Variants in UNC5D observed in about 807,000 individuals in gnomAD.
UNC5D encodes unc-5 netrin receptor D, also known as netrin receptor UNC5D.
A neutral mutation model predicts 105.4 loss-of-function variants in UNC5D; 39 were observed. The ratio of observed to expected loss-of-function variants is 0.37; its 90% CI spans 0.29 to 0.48. UNC5D has a LOEUF of 0.48. UNC5D is among the 20% of genes least tolerant of loss of function. UNC5D has a pLI of 0.98. For missense variants in UNC5D, 991 were observed against 1,202.4 expected (o/e 0.82, Z 2.60); for synonymous variants, 452 against 450.4 (o/e 1.00, Z -0.04).
chr8:35,338,404 T>G (rs889822207), intron 1 of UNC5D, among the ~76,000 whole-genome samples: 28 of 151,640 alleles, frequency 1.8e-4, no homozygotes, highest in African/African-American at 6.5e-4. Flanking sequence ...TTTTCTGGGG[T>G]GTGTGTGTGT....
chr8:35,750,699 G>A lies in UNC5D; in HGVS notation c.2053G>A (p.Asp685Asn), dbSNP rs1329904481. The A allele has an allele frequency of 6.2e-7, 1 of 1,614,154 alleles. No individual in the cohort carries two copies. The highest frequency in any genetic ancestry group is 1.1e-5 in the South Asian group (1 of 91,084). ...TYALTGEPIT[D>N]CAVKQLKVAV... Reference sequence around the variant, plus strand: ...TGCGCTCACTGGAGAGCCAATCACAGACTGTGCCGTGAAGCAACTGAAGGT... The same window carrying A: ...TGCGCTCACTGGAGAGCCAATCACAAACTGTGCCGTGAAGCAACTGAAGGT... Residue 685 changes from aspartate to asparagine, a missense_variant, in exon 13 of 17, where the codon GAC (aspartate) becomes AAC (asparagine). Asp to Asn is a conservative substitution (Grantham distance 23). Around this residue, in one of 3 missense-constraint regions of UNC5D, gnomAD observed 944 missense variants for 1,131.6 expected, o/e 0.83. Transcript: ENST00000404895.
intron 3 of UNC5D, among the ~76,000 whole-genome samples, chr8:35,589,298 C>A (rs892884236): frequency 8.6e-5 from 13 of 151,488 alleles, no homozygotes; most frequent in Non-Finnish European, 1.9e-4. Flanking sequence ...ATGAATGCAC[C>A]AAAAAATTAA....
chr8:35,451,729 C>T (rs1001524951), intron 1 of UNC5D, among the ~76,000 whole-genome samples: 3 of 152,124 alleles, frequency 2.0e-5, no homozygotes, highest in African/African-American at 4.8e-5. Flanking sequence ...GCATACAGGG[C>T]GTTTTTAGTT....
At chr8:35,519,271 G>A (rs1813302453) in intron 1 of UNC5D, among the ~76,000 whole-genome samples, 1 of 151,902 alleles carries the variant, frequency 6.6e-6, no homozygotes, top group African/African-American at 2.4e-5. Flanking sequence ...TTCTTGTATG[G>A]GGCTGACATG....
intron 1 of UNC5D, among the ~76,000 whole-genome samples, chr8:35,533,285 G>C (rs960319798): frequency 1.8e-4 from 27 of 152,272 alleles, no homozygotes; most frequent in African/African-American, 6.5e-4. Flanking sequence ...CTCAGCTGCA[G>C]GTCTGTTGGA....
chr8:35,276,431 A>T (rs1282440673), intron 1 of UNC5D, among the ~76,000 whole-genome samples: 1 of 152,184 alleles, frequency 6.6e-6, no homozygotes, highest in Non-Finnish European at 1.5e-5. Flanking sequence ...GTCCCATGTG[A>T]TCGGTGCCAG....
chr8:35,603,294 T>G (rs1820025639), intron 4 of UNC5D, among the ~76,000 whole-genome samples: 1 of 152,214 alleles, frequency 6.6e-6, no homozygotes, highest in Non-Finnish European at 1.5e-5. Context: ...CTTCATTTCA[T>G]TATGTACCCA....
intron 1 of UNC5D, among the ~76,000 whole-genome samples, chr8:35,273,299 C>A (rs1805549470): frequency 6.6e-6 from 1 of 152,184 alleles, no homozygotes; most frequent in Non-Finnish European, 1.5e-5. Context: ...TTTGGTAATG[C>A]ATGTATCTTA....
At chr8:35,418,497 G>A (rs1302651295) in intron 1 of UNC5D, among the ~76,000 whole-genome samples, 3 of 152,106 alleles carry the variant, frequency 2.0e-5, no homozygotes, top group Non-Finnish European at 2.9e-5. Flanking sequence ...GTGTAATATA[G>A]ACCCCTGTTG....
At chr8:35,359,173 A>G (rs181245152) in intron 1 of UNC5D, among the ~76,000 whole-genome samples, 75 of 152,358 alleles carry the variant, frequency 4.9e-4, no homozygotes, top group Non-Finnish European at 8.7e-4. Flanking sequence ...AAAACAGATT[A>G]TAAGACTCTT....
intron 1 of UNC5D, among the ~76,000 whole-genome samples, chr8:35,304,843 A>C (rs916417299): frequency 1.3e-5 from 2 of 152,110 alleles, no homozygotes; most frequent in Non-Finnish European, 1.5e-5. Flanking sequence ...TGCTCTCCCA[A>C]ATAGTTACAG....
In UNC5D at chr8:35,471,964, T is replaced by TAG. The variant is rs1467568988; in HGVS notation, c.104-77328_104-77327insAG. ...AATAAGCAGATATCTCAGTGTTTTC[T>TAG]TTGTGAATCAGTACTAGACAGGTAA... On this transcript the variant is annotated intron_variant, in intron 1 of 16. Coordinates refer to ENST00000404895, the MANE Select transcript of UNC5D (RefSeq NM_080872.4). Among the ~76,000 whole-genome samples the TAG allele has an allele frequency of 3.5e-3, 538 of 152,360 alleles. 4 individuals carry two copies. Among genetic ancestry groups the TAG allele is most frequent in the African/African-American group, 0.012 (513 of 41,580 alleles).
At chr8:35,346,631 T>C (rs1811823108) in intron 1 of UNC5D, among the ~76,000 whole-genome samples, 1 of 152,046 alleles carries the variant, frequency 6.6e-6, no homozygotes, top group South Asian at 2.1e-4. Context: ...CATCTCCATA[T>C]AACCAAAATT....
chr8:35,294,088 C>T (rs1163457642), intron 1 of UNC5D, among the ~76,000 whole-genome samples: 2 of 152,152 alleles, frequency 1.3e-5, no homozygotes, highest in Non-Finnish European at 2.9e-5. Context: ...TTGTCCAGGC[C>T]TTCTTGTTAT....
intron 1 of UNC5D, among the ~76,000 whole-genome samples, chr8:35,332,422 A>C (rs541168509): frequency 6.6e-6 from 1 of 152,250 alleles, no homozygotes; most frequent in Non-Finnish European, 1.5e-5. Context: ...AACAAGAAGC[A>C]AATATCTTTT....
At chr8:35,389,931 T>C (rs1803667506) in intron 1 of UNC5D, among the ~76,000 whole-genome samples, 1 of 152,190 alleles carries the variant, frequency 6.6e-6, no homozygotes, top group Non-Finnish European at 1.5e-5. Flanking sequence ...AGAATTGTAT[T>C]AGTCCATTCT....
chr8:35,399,612 C>G (rs1008580974), intron 1 of UNC5D, among the ~76,000 whole-genome samples: 1 of 152,078 alleles, frequency 6.6e-6, no homozygotes, highest in Non-Finnish European at 1.5e-5. Flanking sequence ...AGTTAGTACA[C>G]TTAACATCTG....
chr8:35,493,558 T>C, intron 1 of UNC5D, among the ~76,000 whole-genome samples: 1 of 152,124 alleles, frequency 6.6e-6, no homozygotes, highest in South Asian at 2.1e-4. Context: ...AATTTAAAGA[T>C]GGCTTTAGGT....
intron 3 of UNC5D, among the ~76,000 whole-genome samples, chr8:35,585,446 T>C (rs937755241): frequency 2.0e-5 from 3 of 152,074 alleles, no homozygotes; most frequent in Non-Finnish European, 2.9e-5. Context: ...CTGTAAGATT[T>C]ACTGAACAGG....
Sources: allele counts gnomAD v4.1 joint callset (sites outside exome capture counted in the v4.1 genomes callset), GRCh38; gene constraint gnomAD v4.1.1; regional missense constraint gnomAD v4.1.1; transcripts MANE v1.5; gene names NCBI Gene and HGNC (gene_info 2026-07-23, HGNC 2026-07-21).